The following SLIT3 variants were observed in gnomAD, a reference collection of about 807,000 sequenced individuals.
The protein encoded by SLIT3 is slit guidance ligand 3.
In SLIT3, 68 loss-of-function variants were observed where a neutral mutation model predicts 184.0. The observed-to-expected ratio is 0.37, with a 90% CI of 0.30 to 0.45. The LOEUF (loss-of-function observed/expected upper bound fraction) is 0.45, where lower values mean the gene tolerates loss of function less well. Ranked by LOEUF, SLIT3 falls within the 20% of genes least tolerant of loss-of-function variation. The probability of loss-of-function intolerance (pLI) is 1.00; values close to 1 mark genes in which losing one functional copy is unlikely to be tolerated. For synonymous variants in SLIT3, 831 were observed against 828.6 expected (o/e 1.00, Z -0.05); for missense variants, 1,707 against 2,026.0 (o/e 0.84, Z 3.02).
chr5:168,906,648 A>T (rs542955615), intron 4 of SLIT3, among the ~76,000 whole-genome samples: 227 of 152,072 alleles, frequency 1.5e-3, no homozygotes, highest in African/African-American at 4.3e-3. Context: ...CTATATATAT[A>T]TTTTTTTCCG....
At chr5:169,054,863 C>T (rs540603655) in intron 4 of SLIT3, among the ~76,000 whole-genome samples, 2 of 152,234 alleles carry the variant, frequency 1.3e-5, no homozygotes, top group African/African-American at 4.8e-5. Flanking sequence ...CCTGGAAACC[C>T]CTGGCCTAGG....
intron 8 of SLIT3, among the ~76,000 whole-genome samples, chr5:168,811,879 T>C (rs980904531): frequency 1.3e-5 from 2 of 152,188 alleles, no homozygotes; most frequent in African/African-American, 4.8e-5. Context: ...CCAAGGGAAA[T>C]AAAATCATTG....
intron 4 of SLIT3, among the ~76,000 whole-genome samples, chr5:169,000,628 T>A (rs1296536744): frequency 6.6e-6 from 1 of 152,138 alleles, no homozygotes; most frequent in Non-Finnish European, 1.5e-5. Flanking sequence ...AGTCAGAGCA[T>A]GACGTTAATA....
intron 7 of SLIT3, among the ~76,000 whole-genome samples, chr5:168,819,341 G>T (rs186618380): frequency 4.6e-5 from 7 of 152,238 alleles, no homozygotes; most frequent in African/African-American, 1.7e-4. Context: ...CTGACTTTTC[G>T]CCGGGTATAA....
At chr5:169,044,472 G>T (rs549009523) in intron 4 of SLIT3, among the ~76,000 whole-genome samples, 33 of 151,440 alleles carry the variant, frequency 2.2e-4, no homozygotes, top group African/African-American at 7.0e-4. Context: ...CTAAATGATA[G>T]AAGTCAGACA....
intron 4 of SLIT3, among the ~76,000 whole-genome samples, chr5:169,033,944 C>G (rs1320653555): frequency 6.6e-6 from 1 of 151,774 alleles, no homozygotes; most frequent in Admixed American, 6.6e-5. Flanking sequence ...TCCCGAGTAG[C>G]TGGGACTACA....
chr5:168,664,481 C>G lies in SLIT3; in HGVS notation c.*1973G>C, dbSNP rs949969399. On this transcript the variant is annotated 3_prime_UTR_variant, in exon 36 of 36. Coordinates refer to ENST00000519560, the MANE Select transcript of SLIT3 (RefSeq NM_003062.4). ...AAATTCCTCAGCTATATCCCTCTCT[C>G]CCTTCTCTTCATCCCCTCCATCCCT... 2.0e-5 allele frequency: 3 copies of G among 151,312 alleles called. No homozygotes were observed. The highest frequency in any genetic ancestry group is 4.4e-5 in the Non-Finnish European group (3 of 67,960). The allele number at this position is 151,312 out of a possible 1,614,324, so 9.4% of individuals were successfully genotyped here.
chr5:168,867,441 C>T (rs1314828774), intron 5 of SLIT3, among the ~76,000 whole-genome samples: 1 of 152,258 alleles, frequency 6.6e-6, no homozygotes, highest in South Asian at 2.1e-4. Context: ...ATGAGTCAAG[C>T]TAAAGAATGT....
At chr5:168,696,753 T>A (rs1454664964) in intron 27 of SLIT3, among the ~76,000 whole-genome samples, 1 of 152,186 alleles carries the variant, frequency 6.6e-6, no homozygotes, top group Admixed American at 6.5e-5. Context: ...TTCCTGGATA[T>A]GGCTTAAATT....
intron 3 of SLIT3, among the ~76,000 whole-genome samples, chr5:169,194,620 C>A (rs1763682420): frequency 6.6e-6 from 1 of 152,148 alleles, no homozygotes; most frequent in Admixed American, 6.5e-5. Context: ...AAAACATTTT[C>A]ATGGGCCCCT....
intron 4 of SLIT3, among the ~76,000 whole-genome samples, chr5:169,123,682 A>T (rs1760970498): frequency 6.6e-6 from 1 of 152,212 alleles, no homozygotes; most frequent in South Asian, 2.1e-4. Flanking sequence ...GATTTCTTCT[A>T]AGAATTGAAA....
intron 4 of SLIT3, among the ~76,000 whole-genome samples, chr5:169,048,820 C>T (rs1757717181): frequency 6.6e-6 from 1 of 152,124 alleles, no homozygotes; most frequent in African/African-American, 2.4e-5. Context: ...GGAAAGCAAA[C>T]CCAGACCCCT....
chr5:168,725,092 G>C (rs193295712), intron 20 of SLIT3, among the ~76,000 whole-genome samples: 4 of 152,276 alleles, frequency 2.6e-5, no homozygotes, highest in Admixed American at 2.6e-4. Flanking sequence ...TATCTCTGTT[G>C]TTGGAGCACT....
chr5:169,143,089 T>A (rs1028906468), intron 4 of SLIT3, among the ~76,000 whole-genome samples: 2 of 152,206 alleles, frequency 1.3e-5, no homozygotes, highest in African/African-American at 4.8e-5. Context: ...GTAAGTTGTG[T>A]CTCTGCCACT....
chr5:169,053,738 C>T (rs1028300376), intron 4 of SLIT3, among the ~76,000 whole-genome samples: 6 of 151,556 alleles, frequency 4.0e-5, no homozygotes, highest in Admixed American at 6.6e-5. Context: ...TGAATTATGT[C>T]CCCCCAAAAG....
intron 4 of SLIT3, among the ~76,000 whole-genome samples, chr5:168,953,225 T>C (rs1762719333): frequency 1.3e-5 from 2 of 152,236 alleles, no homozygotes; most frequent in Non-Finnish European, 1.5e-5. Context: ...CCCAAATGGA[T>C]GCTTCTTCCA....
intron 4 of SLIT3, among the ~76,000 whole-genome samples, chr5:169,081,238 C>G (rs1242268299): frequency 1.3e-5 from 2 of 152,304 alleles, no homozygotes; most frequent in East Asian, 3.9e-4. Flanking sequence ...GTGCTTTTCT[C>G]TTTCATTAAA....
chr5:169,196,174 A>ATT (rs1763736483), intron 3 of SLIT3, among the ~76,000 whole-genome samples: 3 of 151,026 alleles, frequency 2.0e-5, no homozygotes, highest in African/African-American at 7.3e-5. Flanking sequence ...AAAAAAAAAG[A>ATT]GGGGGACTCC....
intron 4 of SLIT3, among the ~76,000 whole-genome samples, chr5:168,900,039 A>G (rs1760811894): frequency 6.6e-6 from 1 of 152,198 alleles, no homozygotes; most frequent in Admixed American, 6.5e-5. Context: ...GCCAGAATAT[A>G]TACCTAAAAA....
Sources: gnomAD v4.1 joint callset for allele counts (sites outside exome capture counted in the v4.1 genomes callset) on GRCh38, gnomAD v4.1.1 for gene constraint, MANE v1.5 for transcripts, NCBI Gene and HGNC (gene_info 2026-07-23, HGNC 2026-07-21) for gene names.